The following SEPTIN2 variants were observed in gnomAD, a reference collection of about 807,000 sequenced individuals.
SEPTIN2 encodes the protein septin-2.
A neutral mutation model predicts 46.5 loss-of-function variants in SEPTIN2; 34 were observed. The observed-to-expected ratio is 0.73, with a 90% CI of 0.56 to 0.97. SEPTIN2 has a LOEUF of 0.97. Ranked by LOEUF, SEPTIN2 falls within the 50% of genes least tolerant of loss-of-function variation. The pLI is 0.00. For missense variants in SEPTIN2, 347 were observed against 448.4 expected, an observed-to-expected ratio of 0.77 and a Z score of 2.04; for synonymous variants, 175 against 153.4, an observed-to-expected ratio of 1.14 and a Z score of -1.04.
chr2:241,321,952 A>C (rs2077194641), intron 1 of SEPTIN2, among the ~76,000 whole-genome samples: 1 of 152,098 alleles, frequency 6.6e-6, no homozygotes, highest in South Asian at 2.1e-4. Context: ...CTACTCCTCC[A>C]CACTCACACT....
Position 241,350,203 on chromosome 2 carries a change from G to A in SEPTIN2, c.*29G>A, listed in dbSNP as rs2060658374. On this transcript the variant is annotated splice_region_variant and 3_prime_UTR_variant, in exon 12 of 13. Transcript: ENST00000391971. ...GATGTGCACATATCAAGAAGTCAGA[G>A]GTAGGCCCTGTTGTCCCTTAGCCTG... 6.4e-7 allele frequency: 1 copy of A among 1,560,592 alleles called. No homozygotes were observed. The highest frequency in any genetic ancestry group is 8.7e-7 in the Non-Finnish European group (1 of 1,147,172).
chr2:241,336,329 CTGCTAGTATAAATGAAACACCTGGAT>C (rs1300731961), intron 5 of SEPTIN2: 1 of 498,942 alleles, frequency 2.0e-6, no homozygotes, highest in Non-Finnish European at 3.5e-6. Flanking sequence ...CATCCATAGA[CTGCTAGTATAAATGAAACACCTGGAT>C]TTGAGCCGTG....
At chr2:241,334,797 T>A (rs1347981685) in intron 3 of SEPTIN2, among the ~76,000 whole-genome samples, 1 of 152,240 alleles carries the variant, frequency 6.6e-6, no homozygotes, top group Non-Finnish European at 1.5e-5. Context: ...GCATTCTATT[T>A]GTCAAAAATA....
At chr2:241,338,853 T>TATATAATAAATATATA (rs2080733079) in intron 7 of SEPTIN2, among the ~76,000 whole-genome samples, 2 of 96,008 alleles carry the variant, frequency 2.1e-5, no homozygotes, top group Non-Finnish European at 3.6e-5. Context: ...ATATATAATA[T>TATATAATAAATATATA]ATATAAAAAT....
intron 3 of SEPTIN2, among the ~76,000 whole-genome samples, chr2:241,327,676 A>C (rs1244012676): frequency 6.6e-6 from 1 of 151,944 alleles, no homozygotes; most frequent in East Asian, 1.9e-4. Context: ...TGAGACAACA[A>C]GCAGAAGAAA....
chr2:241,335,583 C>G (rs60614486), intron 4 of SEPTIN2: 112,777 of 597,516 alleles, frequency 0.19, 12,441 homozygotes, highest in East Asian at 0.39. Context: ...AGTTCCAGCA[C>G]AGGACACCAG....
At chr2:241,335,007 A>G in intron 3 of SEPTIN2, 119 bp from the exon 4 acceptor site, 1 of 672,776 alleles carries the variant, frequency 1.5e-6, no homozygotes, top group Non-Finnish European at 2.6e-6. Flanking sequence ...TGTAGGTACT[A>G]AACACAGAAT....
At chr2:241,340,537 G>A (rs1464744261) in intron 7 of SEPTIN2, among the ~76,000 whole-genome samples, 1 of 152,122 alleles carries the variant, frequency 6.6e-6, no homozygotes, top group Admixed American at 6.5e-5. Flanking sequence ...CCCTGGAAGC[G>A]TAGACGTTTT....
In SEPTIN2 at chr2:241,353,193, G is replaced by C. The variant is rs1267810429; in HGVS notation, c.*1256G>C. On this transcript the variant is annotated 3_prime_UTR_variant, in exon 13 of 13. Coordinates refer to ENST00000391971, the MANE Select transcript of SEPTIN2 (RefSeq NM_004404.5). ...TCATTTTGTGTAATATAAACCGTGTGTCATGTCAAAGTGAAAGACATTTCA... is the reference window on the plus strand; with the variant it reads ...TCATTTTGTGTAATATAAACCGTGTCTCATGTCAAAGTGAAAGACATTTCA... The C allele has an allele frequency of 6.6e-6, 1 of 152,236 alleles. No individual in the cohort carries two copies. Among genetic ancestry groups the C allele is most frequent in the Non-Finnish European group, 1.5e-5 (1 of 68,062 alleles). 9.4% of individuals were successfully genotyped at this position (152,236 alleles called of 1,614,324 possible).
chr2:241,335,538 C>T, intron 4 of SEPTIN2: 2 of 645,094 alleles, frequency 3.1e-6, no homozygotes, highest in Non-Finnish European at 5.4e-6. Context: ...TAGAAGATTA[C>T]TAGGATAGAT....
chr2:241,335,162 G>A lies in SEPTIN2; in HGVS notation c.167G>A (p.Ser56Asn). The change falls in exon 4 of 13, where the codon AGC (serine) becomes AAC (asparagine). Residue 56 changes from serine (S) to asparagine (N), a missense_variant. Physicochemically the swap from Ser to Asn is conservative, Grantham distance 46. Transcript: ENST00000391971. ...SGLGKSTLIN[S>N]LFLTDLYPER... is the part of the protein sequence containing the mutation. The stretch of plus-strand genomic sequence containing the variant: ...CTAGGAAAATCGACTCTCATAAACA[G>A]CCTATTCCTAACTGATCTGTACCCA... The A allele has an allele frequency of 6.2e-7, 1 of 1,613,854 alleles. No individual in the cohort carries two copies. The highest frequency in any genetic ancestry group is 8.5e-7 in the Non-Finnish European group (1 of 1,179,834).
intron 7 of SEPTIN2, among the ~76,000 whole-genome samples, chr2:241,342,534 ATTT>A (rs548033372): frequency 2.3e-5 from 2 of 86,998 alleles, no homozygotes; most frequent in African/African-American, 8.7e-5. Flanking sequence ...AGTTTTGTAA[ATTT>A]TTTTTTTTTT....
rs975507174 is a variant in SEPTIN2 at position 241,342,906 on chromosome 2, A to G, written c.595-86A>G. On this transcript the variant is annotated intron_variant, in intron 7 of 12. Coordinates refer to ENST00000391971, the MANE Select transcript of SEPTIN2 (RefSeq NM_004404.5). ...ATTATTGACATTTGTATGATTTCCA[A>G]TATATTTCTTACAAGATGAGCTAGA... The G allele has an allele frequency of 1.2e-5, 8 of 693,456 alleles. No homozygotes were observed. In the Admixed American group the frequency reaches 2.0e-4, roughly 17 times the overall value. The allele number at this position is 693,456 out of a possible 1,614,324, so 43.0% of individuals were successfully genotyped here.
At chr2:241,332,126 T>A (rs927745274) in intron 3 of SEPTIN2, among the ~76,000 whole-genome samples, 14 of 151,648 alleles carry the variant, frequency 9.2e-5, no homozygotes, top group African/African-American at 1.7e-4. Flanking sequence ...GGCAAAAAAA[T>A]TTTTATGACT....
intron 2 of SEPTIN2, chr2:241,325,384 C>T (rs1388774190): frequency 6.6e-6 from 1 of 152,194 alleles, no homozygotes; most frequent in Non-Finnish European, 1.5e-5. Context: ...CTATGATCTT[C>T]TCATTCTGTC....
At chr2:241,324,401 T>G (rs2077606791) in intron 2 of SEPTIN2, 160 bp downstream of exon 2, 1 of 623,566 alleles carries the variant, frequency 1.6e-6, no homozygotes, top group Non-Finnish European at 2.8e-6. Flanking sequence ...TTTTTTTTTT[T>G]TTTTGAGACG....
chr2:241,334,629 G>A (rs972892637), intron 3 of SEPTIN2, among the ~76,000 whole-genome samples: 24 of 152,206 alleles, frequency 1.6e-4, no homozygotes, highest in African/African-American at 5.8e-4. Flanking sequence ...GTGAGGGTGT[G>A]CATGTGAGCC....
At chr2:241,344,254 A>G (rs2081665202) in intron 9 of SEPTIN2, among the ~76,000 whole-genome samples, 1 of 152,194 alleles carries the variant, frequency 6.6e-6, no homozygotes, top group African/African-American at 2.4e-5. Flanking sequence ...CAGGCTGTAT[A>G]GGCCCCTGGT....
At chr2:241,323,369 C>T (rs1490804749) in intron 1 of SEPTIN2, among the ~76,000 whole-genome samples, 1 of 152,014 alleles carries the variant, frequency 6.6e-6, no homozygotes, top group Non-Finnish European at 1.5e-5. Context: ...GGGGTTTCAC[C>T]ATGTTGGCCA....
Sources: gnomAD v4.1 joint callset for allele counts (sites outside exome capture counted in the v4.1 genomes callset) on GRCh38, gnomAD v4.1.1 for gene constraint, MANE v1.5 for transcripts, NCBI Gene and HGNC (gene_info 2026-07-23, HGNC 2026-07-21) for gene names.